KCNN3: variants seen among roughly 807,000 people sequenced by gnomAD.
KCNN3 encodes the protein potassium calcium-activated channel subfamily N member 3.
Under a neutral mutation model 62.9 loss-of-function variants are expected in KCNN3, and 16 were observed. The ratio of observed to expected loss-of-function variants is 0.25; its 90% CI spans 0.17 to 0.39. The LOEUF is 0.39. Among genes scored for constraint, KCNN3 ranks in the 10% least tolerant of loss-of-function variants. The probability of loss-of-function intolerance (pLI) is 1.00; values close to 1 mark genes in which losing one functional copy is unlikely to be tolerated. For missense variants in KCNN3, 599 were observed against 949.4 expected, an observed-to-expected ratio of 0.63 and a Z score of 4.85; for synonymous variants, 370 against 389.2, an observed-to-expected ratio of 0.95 and a Z score of 0.58.
chr1:154,773,495 G>T (rs1054320933), intron 2 of KCNN3, among the ~76,000 whole-genome samples: 3 of 152,246 alleles, frequency 2.0e-5, no homozygotes, highest in Non-Finnish European at 4.4e-5. Flanking sequence ...ACAACCTGGG[G>T]CTGGTGACTA....
intron 2 of KCNN3, among the ~76,000 whole-genome samples, chr1:154,798,975 G>T (rs1164943586): frequency 6.7e-6 from 1 of 149,006 alleles, no homozygotes; most frequent in Non-Finnish European, 1.5e-5. Flanking sequence ...GGAGTGCAGT[G>T]GCACAATCTT....
chr1:154,737,215 G>GA, intron 3 of KCNN3: 1 of 256,792 alleles, frequency 3.9e-6, no homozygotes, highest in Non-Finnish European at 8.0e-6. Flanking sequence ...TTGGGGGGGG[G>GA]GGATAGCTCC....
intron 5 of KCNN3, among the ~76,000 whole-genome samples, chr1:154,724,785 CA>C (rs1700425430): frequency 1.3e-5 from 2 of 151,748 alleles, no homozygotes; most frequent in Non-Finnish European, 2.9e-5. Flanking sequence ...CCGGAAAACC[CA>C]AAAGGGAAAA....
At chr1:154,826,586 C>T (rs992880619) in intron 1 of KCNN3, among the ~76,000 whole-genome samples, 3 of 152,264 alleles carry the variant, frequency 2.0e-5, no homozygotes, top group Admixed American at 2.0e-4. Context: ...CCTGCTCTGG[C>T]GGCCACGCCT....
At chr1:154,829,932 C>T (rs1396236972) in intron 1 of KCNN3, among the ~76,000 whole-genome samples, 1 of 152,170 alleles carries the variant, frequency 6.6e-6, no homozygotes, top group East Asian at 1.9e-4. Context: ...CATTTTCCCA[C>T]TGATGTTGTT....
intron 3 of KCNN3, among the ~76,000 whole-genome samples, chr1:154,739,702 G>C (rs191797633): frequency 6.6e-6 from 1 of 152,338 alleles, no homozygotes; most frequent in Admixed American, 6.5e-5. Flanking sequence ...TCTGAAGTTA[G>C]GTTATGGTAA....
At chr1:154,760,355 T>C (rs968283361) in intron 3 of KCNN3, among the ~76,000 whole-genome samples, 1 of 149,960 alleles carries the variant, frequency 6.7e-6, no homozygotes, top group Non-Finnish European at 1.5e-5. Flanking sequence ...AACGGCTGAA[T>C]ACGAGATCAC....
intron 1 of KCNN3, among the ~76,000 whole-genome samples, chr1:154,822,488 T>A (rs1396476940): frequency 6.6e-6 from 1 of 152,234 alleles, no homozygotes; most frequent in Admixed American, 6.5e-5. Context: ...ACGGCTAGAT[T>A]CAGTTTGCTG....
intron 3 of KCNN3, among the ~76,000 whole-genome samples, chr1:154,761,632 G>A (rs1372872008): frequency 6.6e-6 from 1 of 151,432 alleles, no homozygotes; most frequent in Non-Finnish European, 1.5e-5. Flanking sequence ...CTACCTTACT[G>A]TAATTTTCAA....
chr1:154,752,833 T>C (rs1647443251), intron 3 of KCNN3, among the ~76,000 whole-genome samples: 1 of 152,122 alleles, frequency 6.6e-6, no homozygotes, highest in Admixed American at 6.5e-5. Flanking sequence ...GAAATGGAGA[T>C]AACACCACAA....
intron 1 of KCNN3, among the ~76,000 whole-genome samples, chr1:154,853,135 GCA>G (rs1424272900): frequency 1.3e-5 from 2 of 150,436 alleles, no homozygotes; most frequent in African/African-American, 2.4e-5. Context: ...GACTACAGGT[GCA>G]CACCAATGTA....
At chr1:154,734,583 G>A (rs573374461) in intron 3 of KCNN3, among the ~76,000 whole-genome samples, 17 of 152,202 alleles carry the variant, frequency 1.1e-4, no homozygotes, top group African/African-American at 3.9e-4. Flanking sequence ...TTCCCTTGGC[G>A]CCTTAAGTGA....
intron 3 of KCNN3, among the ~76,000 whole-genome samples, chr1:154,746,274 G>A (rs911020835): frequency 2.0e-5 from 3 of 152,174 alleles, no homozygotes; most frequent in African/African-American, 7.2e-5. Flanking sequence ...CCAAGTTGGG[G>A]CACGGGGCCA....
chr1:154,725,007 C>T (rs1700431121), intron 5 of KCNN3, among the ~76,000 whole-genome samples: 1 of 151,996 alleles, frequency 6.6e-6, no homozygotes, highest in Non-Finnish European at 1.5e-5. Flanking sequence ...CAGGTGACTG[C>T]CACCACACCC....
At chr1:154,773,157 T>C (rs1648643254) in intron 2 of KCNN3, among the ~76,000 whole-genome samples, 2 of 152,084 alleles carry the variant, frequency 1.3e-5, no homozygotes, top group Admixed American at 1.3e-4. Context: ...TCTGATCCTC[T>C]CCCTCCCACT....
intron 1 of KCNN3, among the ~76,000 whole-genome samples, chr1:154,836,325 C>T (rs1047542454): frequency 6.6e-6 from 1 of 152,190 alleles, no homozygotes; most frequent in Non-Finnish European, 1.5e-5. Context: ...ACCTGATACT[C>T]GACTGGCCTT....
At chr1:154,829,207 G>A (rs1571317462) in intron 1 of KCNN3, among the ~76,000 whole-genome samples, 1 of 152,248 alleles carries the variant, frequency 6.6e-6, no homozygotes, top group South Asian at 2.1e-4. Context: ...CAAGGGTCAG[G>A]TCAGGGGGCC....
intron 1 of KCNN3, among the ~76,000 whole-genome samples, chr1:154,857,011 C>A (rs1310166011): frequency 6.6e-6 from 1 of 152,114 alleles, no homozygotes; most frequent in Non-Finnish European, 1.5e-5. Flanking sequence ...ATGTGTGTGC[C>A]CTTGTCTCTC....
At chr1:154,709,673 T>C (rs1700034492) in intron 7 of KCNN3, among the ~76,000 whole-genome samples, 1 of 152,210 alleles carries the variant, frequency 6.6e-6, no homozygotes, top group African/African-American at 2.4e-5. Context: ...CCCGCTCCCA[T>C]GAGCTCTGCT....
Sources: gnomAD v4.1 joint callset for allele counts (sites outside exome capture counted in the v4.1 genomes callset) on GRCh38, gnomAD v4.1.1 for gene constraint, MANE v1.5 for transcripts, NCBI Gene and HGNC (gene_info 2026-07-23, HGNC 2026-07-21) for gene names.